The following CHD6 variants were observed in gnomAD, a reference collection of about 807,000 sequenced individuals.
The protein encoded by CHD6 is ATP-dependent chromatin remodeler CHD6.
CHD6 carries 50 observed loss-of-function variants against 276.9 expected under a neutral mutation model. The observed-to-expected ratio is 0.18, with a 90% CI of 0.14 to 0.23. CHD6 has a LOEUF of 0.23. CHD6 is among the 10% of genes least tolerant of loss of function. The pLI, the probability that CHD6 is intolerant of heterozygous loss-of-function variation, is 1.00. For missense variants in CHD6, 2,564 were observed against 3,365.8 expected, an observed-to-expected ratio of 0.76 and a Z score of 5.89; for synonymous variants, 1,173 against 1,229.3, an observed-to-expected ratio of 0.95 and a Z score of 0.96.
chr20:41,409,618 C>T (rs1362075197), intron 36 of CHD6, among the ~76,000 whole-genome samples: 1 of 152,086 alleles, frequency 6.6e-6, no homozygotes, highest in South Asian at 2.1e-4. Context: ...CGACAAAATG[C>T]GACGTGTGGC....
intron 1 of CHD6, among the ~76,000 whole-genome samples, chr20:41,582,130 T>G (rs1334117830): frequency 1.3e-5 from 2 of 152,024 alleles, no homozygotes; most frequent in Non-Finnish European, 2.9e-5. Context: ...TCAACTCAAT[T>G]CAATTACTTA....
At chr20:41,426,806 G>C (rs1458607132) in intron 27 of CHD6, among the ~76,000 whole-genome samples, 1 of 152,078 alleles carries the variant, frequency 6.6e-6, no homozygotes, top group Non-Finnish European at 1.5e-5. Context: ...AATCCTTCTT[G>C]GTCTCAGGAA....
chr20:41,415,128 GGTTT>G (rs1410836510), intron 34 of CHD6, 54 bp downstream of exon 34: 7 of 1,513,036 alleles, frequency 4.6e-6, no homozygotes, highest in African/African-American at 1.4e-5. Context: ...GAGGAAGAAG[GGTTT>G]GTTTCTCAGT....
At chr20:41,549,328 T>G (rs1233214706) in intron 2 of CHD6, among the ~76,000 whole-genome samples, 1 of 150,100 alleles carries the variant, frequency 6.7e-6, no homozygotes, top group Non-Finnish European at 1.5e-5. Context: ...AAATGATGAG[T>G]TCATGTCCTT....
chr20:41,565,956 T>C (rs1382003678), intron 1 of CHD6, among the ~76,000 whole-genome samples: 1 of 152,094 alleles, frequency 6.6e-6, no homozygotes, highest in African/African-American at 2.4e-5. Context: ...AAGATGATAT[T>C]AGTACCATTA....
rs994026845 is a variant in CHD6, at chr20:41,420,582, C to T, written c.6053G>A (p.Ser2018Asn). The T allele has an allele frequency of 8.7e-6, 14 of 1,614,162 alleles. No individual in the cohort carries two copies. Among genetic ancestry groups the T allele is most frequent in the Non-Finnish European group, 9.3e-6 (11 of 1,180,014 alleles). ...NVFPTYPLEG[S>N]ELKSEDMDFE... ...ATCCATGTCTTCTGATTTGAGCTCA[C>T]TTCCTTCAAGAGGATATGTGGGGAA... Residue 2018 changes from serine (S) to asparagine (N), a missense_variant, in exon 31 of 37, where the codon AGT becomes AAT. Around this residue, in one of 7 missense-constraint regions of CHD6, gnomAD observed 1,024 missense variants for 1,047.9 expected, o/e 0.98. Coordinates refer to ENST00000373233, the MANE Select transcript of CHD6 (RefSeq NM_032221.5).
intron 1 of CHD6, among the ~76,000 whole-genome samples, chr20:41,566,269 C>A (rs1251879242): frequency 2.0e-5 from 3 of 152,088 alleles, no homozygotes; most frequent in Non-Finnish European, 4.4e-5. Flanking sequence ...ATGTACTCTC[C>A]CTGACAGATT....
chr20:41,559,182 T>C (rs943468494), intron 1 of CHD6, among the ~76,000 whole-genome samples: 13 of 149,090 alleles, frequency 8.7e-5, no homozygotes, highest in African/African-American at 3.2e-4. Context: ...ACACACAAAG[T>C]AAACTTTGTC....
chr20:41,460,695 G>A (rs1298259551), intron 17 of CHD6, among the ~76,000 whole-genome samples: 1 of 152,232 alleles, frequency 6.6e-6, no homozygotes, highest in African/African-American at 2.4e-5. Context: ...ATGCCTGGAT[G>A]TCCAAGCAAA....
Position 41,558,249 on chromosome 20 carries a change from G to C in CHD6, c.-23-6889C>G, listed in dbSNP as rs574345256. Among the ~76,000 whole-genome samples the C allele has an allele frequency of 8.1e-4, 124 of 152,326 alleles. 1 individual carries two copies. Among genetic ancestry groups the C allele is most frequent in the African/African-American group, 2.7e-3 (114 of 41,584 alleles). ...GGAGGTACTTTAATAGCAAGGGGTT[G>C]AAGTACCAGAAAGCAGTTTGGATCT... On this transcript the variant is annotated intron_variant, in intron 1 of 36. Coordinates refer to ENST00000373233, the MANE Select transcript of CHD6 (RefSeq NM_032221.5).
At chr20:41,557,402 GTTTTC>G (rs1192207134) in intron 1 of CHD6, among the ~76,000 whole-genome samples, 2 of 151,676 alleles carry the variant, frequency 1.3e-5, no homozygotes, top group East Asian at 3.9e-4. Flanking sequence ...CATTTTGAAA[GTTTTC>G]TTTTCTTTTT....
Position 41,487,670 on chromosome 20 carries a change from C to T in CHD6, c.1996G>A (p.Glu666Lys). The T allele has an allele frequency of 6.2e-7, 1 of 1,601,822 alleles. No individual in the cohort carries two copies. ...TTCTTTGGGTCCCTAATTACCTGCT[C>T]CTCTGTTTTCAGATCTCCAAATTCC... ...LEEFGDLKTE[E>K]QVKKLQSILK... The change falls in exon 14 of 37, where the codon GAG becomes AAG. Residue 666 changes from glutamate (E) to lysine (K), a missense_variant. By Grantham distance (56) the Glu-to-Lys change is moderately conservative. Around this residue, in one of 7 missense-constraint regions of CHD6, gnomAD observed 457 missense variants for 889.0 expected, o/e 0.51. Coordinates refer to ENST00000373233, the MANE Select transcript of CHD6 (RefSeq NM_032221.5).
intron 27 of CHD6, among the ~76,000 whole-genome samples, chr20:41,429,855 C>T (rs1283502180): frequency 1.3e-5 from 2 of 152,346 alleles, no homozygotes; most frequent in Admixed American, 6.5e-5. Flanking sequence ...GGGAACGCCA[C>T]ACTGAGACCA....
chr20:41,439,686 AG>A, intron 26 of CHD6, among the ~76,000 whole-genome samples: 1 of 152,236 alleles, frequency 6.6e-6, no homozygotes, highest in Non-Finnish European at 1.5e-5. Context: ...ATTCTCCCAC[AG>A]GAATCCTCTG....
intron 8 of CHD6, 143 bp downstream of exon 8, chr20:41,497,241 T>C (rs1158869855): frequency 6.2e-6 from 4 of 648,760 alleles, no homozygotes; most frequent in Non-Finnish European, 1.1e-5. Context: ...TAGACTAGTT[T>C]TGTTGCAAAT....
Position 41,447,934 on chromosome 20 carries a change from C to T in CHD6, c.3721G>A (p.Ala1241Thr). ...LRVRMLYYLKAEILGEAAEKA... is the reference protein window; with the variant it reads ...LRVRMLYYLKTEILGEAAEKA... ...TCAGCTGCTTCTCCCAGTATTTCAGCTTTTAGGTAGTACAGCATCCGGACT... is the reference window on the plus strand; with the variant it reads ...TCAGCTGCTTCTCCCAGTATTTCAGTTTTTAGGTAGTACAGCATCCGGACT... Residue 1241 changes from alanine (A) to threonine (T), a missense_variant, in exon 24 of 37, where the codon GCT (alanine) becomes ACT (threonine). Ala to Thr is a moderately conservative substitution (Grantham distance 58). This residue lies in a region of CHD6 where 515 missense variants were observed against 739.5 expected (regional missense o/e 0.70). Transcript: ENST00000373233. 1 of 1,612,164 alleles carries T rather than the reference C, an allele frequency of 6.2e-7. No homozygotes were observed. The highest frequency in any genetic ancestry group is 8.5e-7 in the Non-Finnish European group (1 of 1,179,104).
Position 41,421,283 on chromosome 20 carries a change from A to C in CHD6, c.5352T>G (p.Ile1784Met), listed in dbSNP as rs1226029804. The change falls in exon 31 of 37, where the codon ATT (isoleucine) becomes ATG (methionine). Residue 1784 changes from isoleucine (I) to methionine (M), a missense_variant. Physicochemically the swap from Ile to Met is conservative, Grantham distance 10. This residue lies in a region of CHD6 where 1,024 missense variants were observed against 1,047.9 expected (regional missense o/e 0.98). Transcript: ENST00000373233. ...IKNGKHLLMSISKEGELCCSE... is the reference protein window; with the variant it reads ...IKNGKHLLMSMSKEGELCCSE... The stretch of plus-strand genomic sequence containing the variant: ...TGCAGCAGAGCTCCCCTTCCTTTGA[A>C]ATAGACATCAACAAATGTTTTCCAT... 6.2e-7 allele frequency: 1 copy of C among 1,614,138 alleles called. No homozygotes were observed. Among genetic ancestry groups the C allele is most frequent in the East Asian group, 2.2e-5 (1 of 44,880 alleles).
Position 41,575,620 on chromosome 20 carries a change from G to GAAAAACA in CHD6, c.-23-24267_-23-24261dup, listed in dbSNP as rs1192354930. Among the ~76,000 whole-genome samples the GAAAAACA allele has an allele frequency of 4.6e-5, 7 of 152,046 alleles. No individual in the cohort carries two copies. The South Asian group carries it at 6.2e-4, about 14-fold the overall frequency. On this transcript the variant is annotated intron_variant, in intron 1 of 36. Transcript: ENST00000373233. ...CCCCACACTGGAACCGACCCCAACA[G>GAAAAACA]AAAAACAAAAAACAAAAAACACCAT... is the stretch of plus-strand genomic sequence containing the variant.
intron 1 of CHD6, among the ~76,000 whole-genome samples, chr20:41,581,479 A>G (rs930733765): frequency 1.3e-5 from 2 of 152,174 alleles, no homozygotes; most frequent in African/African-American, 4.8e-5. Context: ...GATCGAGACC[A>G]TCCTGGCCAA....
Sources: allele counts gnomAD v4.1 joint callset (sites outside exome capture counted in the v4.1 genomes callset), GRCh38; gene constraint gnomAD v4.1.1; regional missense constraint gnomAD v4.1.1; transcripts MANE v1.5; gene names NCBI Gene and HGNC (gene_info 2026-07-23, HGNC 2026-07-21).